Variants in DCBLD2 observed in about 807,000 individuals in gnomAD.
The protein encoded by DCBLD2 is discoidin, CUB and LCCL domain containing 2.
DCBLD2 carries 54 observed loss-of-function variants against 86.8 expected under a neutral mutation model. That is an observed-to-expected ratio of 0.62 (90% CI 0.50 to 0.78). The LOEUF is 0.78. DCBLD2 is among the 30% of genes least tolerant of loss of function. DCBLD2 has a pLI of 0.00. For missense variants in DCBLD2, 908 were observed against 954.2 expected (o/e 0.95, Z 0.64); for synonymous variants, 354 against 341.3 (o/e 1.04, Z -0.41).
At chr3:98,866,637 T>G (rs922082112) in intron 2 of DCBLD2, among the ~76,000 whole-genome samples, 16 of 152,336 alleles carry the variant, frequency 1.1e-4, no homozygotes, top group Middle Eastern at 6.8e-3. Context: ...TTGCAAAAAT[T>G]TTCTCCCATT....
intron 1 of DCBLD2, among the ~76,000 whole-genome samples, chr3:98,897,553 C>G (rs1422992054): frequency 6.6e-6 from 1 of 152,080 alleles, no homozygotes; most frequent in African/African-American, 2.4e-5. Flanking sequence ...TGGCAACTCA[C>G]AAATATTGTT....
At chr3:98,894,474 G>T (rs537730291) in intron 1 of DCBLD2, among the ~76,000 whole-genome samples, 2 of 152,288 alleles carry the variant, frequency 1.3e-5, no homozygotes, top group South Asian at 2.1e-4. Flanking sequence ...GGCTGTCACG[G>T]TTGTTAAGGA....
At position 98,796,135 on chromosome 3, in the gene DCBLD2, G is replaced by A. The variant is rs1043849986; in HGVS notation, c.*3237C>T. 4 of 152,498 alleles carry A rather than the reference G, an allele frequency of 2.6e-5. No individual in the cohort carries two copies. The highest frequency in any genetic ancestry group is 7.2e-5 in the African/African-American group (3 of 41,408). The allele number at this position is 152,498 out of a possible 1,614,324, so 9.4% of individuals were successfully genotyped here. On this transcript the variant is annotated 3_prime_UTR_variant, in exon 16 of 16. Transcript: ENST00000326840. ...ATACTGAGTGACTACAGTACATGCC[G>A]AGGTAAGATAAGTACATTCTGGGAG... is the stretch of plus-strand genomic sequence containing the variant.
intron 3 of DCBLD2, among the ~76,000 whole-genome samples, chr3:98,848,192 GCTC>G (rs1303983360): frequency 6.6e-6 from 1 of 151,634 alleles, no homozygotes; most frequent in Non-Finnish European, 1.5e-5. Flanking sequence ...TCATAATTTA[GCTC>G]CTATTTATAT....
At chr3:98,853,773 T>C (rs1226367847) in intron 2 of DCBLD2, among the ~76,000 whole-genome samples, 1 of 152,236 alleles carries the variant, frequency 6.6e-6, no homozygotes, top group African/African-American at 2.4e-5. Context: ...ATCTTATTTA[T>C]GTTCTCAATT....
At chr3:98,822,196 G>A (rs1156995119) in intron 6 of DCBLD2, 32 bp downstream of exon 6, 33 of 1,610,468 alleles carry the variant, frequency 2.0e-5, no homozygotes, top group Non-Finnish European at 2.8e-5. Context: ...ATTATATATA[G>A]CATATATTTT....
intron 3 of DCBLD2, among the ~76,000 whole-genome samples, chr3:98,840,290 G>A (rs940386429): frequency 3.9e-5 from 6 of 152,140 alleles, no homozygotes; most frequent in African/African-American, 1.2e-4. Flanking sequence ...ATATATATTC[G>A]AAGAATTGGC....
rs760385201 is a variant in DCBLD2, at chr3:98,870,810, A to AAAGAAAGAAAGGAAGG, written c.433+10729_433+10730insCCTTCCTTTCTTTCTT. On this transcript the variant is annotated intron_variant, in intron 2 of 15. Transcript: ENST00000326840. ...GAAAGAAAGAAAGAAAGAAAGAAAG[A>AAAGAAAGAAAGGAAGG]AAGGTAGGCAGGCATTGGTGGTATT... Among the ~76,000 whole-genome samples, 35 of 131,678 alleles carry AAAGAAAGAAAGGAAGG rather than the reference A, an allele frequency of 2.7e-4. 1 individual carries two copies. The highest frequency in any genetic ancestry group is 8.5e-4 in the East Asian group (4 of 4,720). The allele number at this position is 131,678 out of a possible 152,430, so 86.4% of individuals were successfully genotyped here.
chr3:98,893,029 T>C (rs933716075), intron 1 of DCBLD2, among the ~76,000 whole-genome samples: 1 of 152,004 alleles, frequency 6.6e-6, no homozygotes, highest in African/African-American at 2.4e-5. Context: ...CATTCCTCTA[T>C]TGCATGCTCT....
chr3:98,840,466 T>C (rs983724692), intron 3 of DCBLD2, among the ~76,000 whole-genome samples: 5 of 152,178 alleles, frequency 3.3e-5, no homozygotes, highest in Non-Finnish European at 7.3e-5. Context: ...CCTATAATAC[T>C]AGAAAAATCA....
At chr3:98,870,193 G>T (rs9820384) in intron 2 of DCBLD2, among the ~76,000 whole-genome samples, 81,187 of 151,968 alleles carry the variant, frequency 0.53, 22,016 homozygotes, top group East Asian at 0.76. Context: ...GAATGAATAG[G>T]GTGTCCTTTC....
chr3:98,841,065 A>C (rs1233757940), intron 3 of DCBLD2, among the ~76,000 whole-genome samples: 1 of 152,196 alleles, frequency 6.6e-6, no homozygotes, highest in Non-Finnish European at 1.5e-5. Flanking sequence ...AGTAGAGTTT[A>C]ACCCAAAGGA....
At chr3:98,816,718 A>C (rs1240257792) in intron 9 of DCBLD2, among the ~76,000 whole-genome samples, 2 of 152,230 alleles carry the variant, frequency 1.3e-5, no homozygotes, top group African/African-American at 4.8e-5. Context: ...ATGATAAAAA[A>C]CAAAAATATA....
intron 1 of DCBLD2, among the ~76,000 whole-genome samples, chr3:98,886,486 A>C (rs1037951193): frequency 6.6e-6 from 1 of 152,030 alleles, no homozygotes; most frequent in Non-Finnish European, 1.5e-5. Flanking sequence ...CATTCTCACC[A>C]ACTCCAACTT....
At chr3:98,833,157 G>T (rs1942353696) in intron 3 of DCBLD2, among the ~76,000 whole-genome samples, 2 of 151,666 alleles carry the variant, frequency 1.3e-5, no homozygotes, top group South Asian at 2.1e-4. Flanking sequence ...ACTTTTGTCT[G>T]ACTCTCTTAT....
rs1168769142 is a variant in DCBLD2 at position 98,838,539 on chromosome 3, C to T, written c.571+10922G>A. Among the ~76,000 whole-genome samples, 716 of 146,926 alleles carry T rather than the reference C, an allele frequency of 4.9e-3. 2 individuals are homozygous for T. The highest frequency in any genetic ancestry group is 0.01 in the Middle Eastern group (3 of 286). ...CTTCCTAGATGGGATGGCGGCCGGG[C>T]GGAGACGCTCCTCACTTTCCAGACT... On this transcript the variant is annotated intron_variant, in intron 3 of 15. Transcript: ENST00000326840.
chr3:98,873,998 A>G (rs1943322211), intron 2 of DCBLD2, among the ~76,000 whole-genome samples: 1 of 152,208 alleles, frequency 6.6e-6, no homozygotes, highest in Admixed American at 6.5e-5. Flanking sequence ...ACCTAGGTGA[A>G]TGGGTAATTT....
In DCBLD2 at chr3:98,799,198, A is replaced by C. The variant is rs1180666116; in HGVS notation, c.*174T>G. The C allele has an allele frequency of 3.1e-6, 2 of 649,976 alleles. No homozygotes were observed. The highest frequency in any genetic ancestry group is 5.1e-6 in the Non-Finnish European group (2 of 392,948). The allele number at this position is 649,976 out of a possible 1,614,324, so 40.3% of individuals were successfully genotyped here. Reference sequence around the variant, plus strand: ...AGGCGAGCAGTAACTGTGCCACCATAACACCTTAAAGCAAGATGGCAAGAT... The same window carrying C: ...AGGCGAGCAGTAACTGTGCCACCATCACACCTTAAAGCAAGATGGCAAGAT... On this transcript the variant is annotated 3_prime_UTR_variant, in exon 16 of 16. Transcript: ENST00000326840.
At chr3:98,866,034 T>G (rs1273030904) in intron 2 of DCBLD2, among the ~76,000 whole-genome samples, 1 of 152,158 alleles carries the variant, frequency 6.6e-6, no homozygotes, top group Non-Finnish European at 1.5e-5. Context: ...ACAAAGGACA[T>G]GAACTCATCA....
Sources: gnomAD v4.1 joint callset for allele counts (sites outside exome capture counted in the v4.1 genomes callset) on GRCh38, gnomAD v4.1.1 for gene constraint, MANE v1.5 for transcripts, NCBI Gene and HGNC (gene_info 2026-07-23, HGNC 2026-07-21) for gene names.